Variants in NUP62CL observed in about 807,000 individuals in gnomAD.
The protein encoded by NUP62CL is nucleoporin 62 C-terminal like.
In NUP62CL, 13 loss-of-function variants were observed where a neutral mutation model predicts 15.3. The ratio of observed to expected loss-of-function variants is 0.85; its 90% CI spans 0.55 to 1.35. NUP62CL has a LOEUF of 1.35. NUP62CL is among the 40% of genes most tolerant of loss of function. The pLI, the probability that NUP62CL is intolerant of heterozygous loss-of-function variation, is 0.00. For synonymous variants in NUP62CL, 54 were observed against 49.2 expected, an observed-to-expected ratio of 1.10 and a Z score of -0.41; for missense variants, 123 against 130.6, an observed-to-expected ratio of 0.94 and a Z score of 0.28.
intron 8 of NUP62CL, among the ~76,000 whole-genome samples, chrX:107,143,833 C>A (rs1295840960): frequency 9.0e-6 from 1 of 111,716 alleles, no homozygotes; most frequent in Non-Finnish European, 1.9e-5. Context: ...TTTCAGCATA[C>A]ATGATCCAAT....
intron 4 of NUP62CL, among the ~76,000 whole-genome samples, chrX:107,156,089 C>G (rs1926177782): frequency 9.1e-6 from 1 of 110,337 alleles, no homozygotes; most frequent in South Asian, 4.0e-4. Flanking sequence ...AAAAACGGCG[C>G]ACGACGAGAC....
At chrX:107,147,619 T>C in intron 8 of NUP62CL, 124 bp downstream of exon 8, 1 of 478,616 alleles carries the variant, frequency 2.1e-6, no homozygotes, top group Non-Finnish European at 3.8e-6. Flanking sequence ...ATACACATAC[T>C]GTGCGTTAAG....
intron 2 of NUP62CL, among the ~76,000 whole-genome samples, chrX:107,183,282 C>T (rs1202705161): frequency 9.2e-6 from 1 of 109,094 alleles, no homozygotes; most frequent in African/African-American, 3.3e-5. Flanking sequence ...CAACTAAAAC[C>T]CCAGGACGTT....
At chrX:107,190,186 C>T (rs996753089) in intron 2 of NUP62CL, among the ~76,000 whole-genome samples, 27 of 111,516 alleles carry the variant, frequency 2.4e-4, no homozygotes, top group African/African-American at 8.5e-4. Flanking sequence ...TCTCCACTAG[C>T]CAAAATATTT....
At position 107,124,189 on chromosome X, in the gene NUP62CL, A is replaced by C. The variant is rs1190634789; in HGVS notation, c.*186T>G. ...TATAAATACTACTCTATTTAACATCAGAATTTGTAGGTAATAATCCAGAAA... is the reference window on the plus strand; with the variant it reads ...TATAAATACTACTCTATTTAACATCCGAATTTGTAGGTAATAATCCAGAAA... On this transcript the variant is annotated 3_prime_UTR_variant, in exon 9 of 9. Transcript: ENST00000372466. 1.5e-4 allele frequency: 50 copies of C among 326,613 alleles called. No individual in the cohort carries two copies. Among genetic ancestry groups the C allele is most frequent in the Non-Finnish European group, 2.6e-4 (43 of 164,902 alleles). 26.9% of individuals were successfully genotyped at this position (326,613 alleles called of 1,213,427 possible). A position where few individuals can be genotyped will look rare whatever the true frequency, so the allele number is the denominator to read the frequency against.
chrX:107,165,421 A>C (rs955911011), intron 4 of NUP62CL, among the ~76,000 whole-genome samples: 7 of 111,519 alleles, frequency 6.3e-5, no homozygotes, highest in Non-Finnish European at 1.1e-4. Context: ...ATTAACATTA[A>C]TTTTACACTA....
At chrX:107,129,469 A>G (rs2147790396) in intron 8 of NUP62CL, among the ~76,000 whole-genome samples, 1 of 112,138 alleles carries the variant, frequency 8.9e-6, no homozygotes, top group South Asian at 3.8e-4. Flanking sequence ...ATACAGGGAT[A>G]AAGTGAAAGC....
At chrX:107,156,154 T>C (rs1161524334) in intron 4 of NUP62CL, among the ~76,000 whole-genome samples, 1 of 111,497 alleles carries the variant, frequency 9.0e-6, no homozygotes, top group Non-Finnish European at 1.9e-5. Flanking sequence ...CGCTGATTGC[T>C]AGCACAGCAG....
intron 8 of NUP62CL, among the ~76,000 whole-genome samples, chrX:107,144,547 A>T (rs1925844959): frequency 8.9e-6 from 1 of 112,440 alleles, no homozygotes; most frequent in Non-Finnish European, 1.9e-5. Context: ...AGAGAAAAAA[A>T]TCACTATAAT....
chrX:107,193,519 G>A (rs1927293821), intron 1 of NUP62CL, among the ~76,000 whole-genome samples: 1 of 112,025 alleles, frequency 8.9e-6, no homozygotes, highest in Non-Finnish European at 1.9e-5. Context: ...AACTGCTACA[G>A]AAGATATGCA....
Position 107,147,776 on chromosome X carries a change from T to C in NUP62CL, c.*9A>G. 1 of 1,195,978 alleles carries C rather than the reference T, an allele frequency of 8.4e-7. No homozygotes were observed. ...CGATCAATCCACTGCAGGGAGTCCA[T>C]ATGGGCATTCAGAATTCTGCAGATC... On this transcript the variant is annotated 3_prime_UTR_variant, in exon 8 of 9. Transcript: ENST00000372466.
At chrX:107,127,075 T>C (rs1389676350) in intron 8 of NUP62CL, among the ~76,000 whole-genome samples, 2 of 109,328 alleles carry the variant, frequency 1.8e-5, no homozygotes, top group African/African-American at 6.6e-5. Context: ...GATGAATGGA[T>C]AAACAAAATA....
chrX:107,134,207 T>C (rs1925585875), intron 8 of NUP62CL, among the ~76,000 whole-genome samples: 1 of 112,239 alleles, frequency 8.9e-6, no homozygotes, highest in Non-Finnish European at 1.9e-5. Flanking sequence ...TTAGTCATTT[T>C]ATCATGGCAG....
chrX:107,151,547 G>A (rs1233900385), intron 7 of NUP62CL, among the ~76,000 whole-genome samples: 1 of 94,597 alleles, frequency 1.1e-5, no homozygotes, highest in Non-Finnish European at 2.1e-5. Flanking sequence ...ACACACACAC[G>A]ACCCAGTCAA....
chrX:107,147,817 T>C lies in NUP62CL; in HGVS notation c.531-8A>G, dbSNP rs763460929. ...TCTGCAGATCTGGTGGAGCTAAAAA[T>C]ACATATAAGACTTTTAGATTATGAT... On this transcript the variant is annotated splice_region_variant and splice_polypyrimidine_tract_variant and intron_variant, in intron 7 of 8. Coordinates refer to ENST00000372466, the MANE Select transcript of NUP62CL (RefSeq NM_017681.3). The C allele has an allele frequency of 8.6e-7, 1 of 1,168,600 alleles. No homozygotes were observed. The highest frequency in any genetic ancestry group is 1.8e-5 in the African/African-American group (1 of 56,338).
At chrX:107,160,296 G>A (rs1926326821) in intron 4 of NUP62CL, among the ~76,000 whole-genome samples, 1 of 105,660 alleles carries the variant, frequency 9.5e-6, no homozygotes, top group South Asian at 4.2e-4. Context: ...AAGTTCATAT[G>A]GAACCAAAAA....
intron 1 of NUP62CL, among the ~76,000 whole-genome samples, chrX:107,204,799 TAAATAA>T (rs1927604061): frequency 1.1e-5 from 1 of 89,108 alleles, no homozygotes; most frequent in Admixed American, 1.2e-4. Context: ...ATAAATTATT[TAAATAA>T]ATTTTAAATA....
At chrX:107,143,458 A>G (rs1037115944) in intron 8 of NUP62CL, among the ~76,000 whole-genome samples, 5 of 110,358 alleles carry the variant, frequency 4.5e-5, no homozygotes, top group African/African-American at 1.7e-4. Context: ...CAAGCGATCC[A>G]TCCACCTTGG....
intron 2 of NUP62CL, among the ~76,000 whole-genome samples, chrX:107,179,206 T>G: frequency 8.9e-6 from 1 of 112,159 alleles, no homozygotes; most frequent in Non-Finnish European, 1.9e-5. Flanking sequence ...TCATTGCTAC[T>G]TCAATTTTTT....
Sources: allele counts gnomAD v4.1 joint callset (sites outside exome capture counted in the v4.1 genomes callset), GRCh38; gene constraint gnomAD v4.1.1; transcripts MANE v1.5; gene names NCBI Gene and HGNC (gene_info 2026-07-23, HGNC 2026-07-21).